MYO5C: variants seen among roughly 807,000 people sequenced by gnomAD.
The protein encoded by MYO5C is unconventional myosin-Vc.
MYO5C carries 194 observed loss-of-function variants against 235.7 expected under a neutral mutation model. The ratio of observed to expected loss-of-function variants is 0.82; its 90% CI spans 0.73 to 0.93. MYO5C has a LOEUF of 0.93. MYO5C is among the 40% of genes least tolerant of loss of function. The pLI, the probability that MYO5C is intolerant of heterozygous loss-of-function variation, is 0.00. For synonymous variants in MYO5C, 707 were observed against 754.8 expected, an observed-to-expected ratio of 0.94 and a Z score of 1.04; for missense variants, 2,038 against 2,127.2, an observed-to-expected ratio of 0.96 and a Z score of 0.82.
chr15:52,201,542 A>G (rs904538688), intron 38 of MYO5C, among the ~76,000 whole-genome samples: 9 of 152,242 alleles, frequency 5.9e-5, no homozygotes, highest in Non-Finnish European at 1.3e-4. Context: ...TTCTTCAGGC[A>G]GAAGGAAAAT....
chr15:52,276,175 G>T (rs574566362), intron 4 of MYO5C, among the ~76,000 whole-genome samples: 1 of 152,014 alleles, frequency 6.6e-6, no homozygotes, highest in Non-Finnish European at 1.5e-5. Flanking sequence ...CATGTTGAGG[G>T]GCCCCAAGAC....
intron 38 of MYO5C, among the ~76,000 whole-genome samples, chr15:52,201,049 A>G (rs927832008): frequency 6.6e-6 from 1 of 152,172 alleles, no homozygotes; most frequent in African/African-American, 2.4e-5. Context: ...CTGTGGGACA[A>G]TAACAAAAAG....
In MYO5C at chr15:52,224,908, C is replaced by G; in HGVS notation, c.3439G>C (p.Ala1147Pro). 3.1e-6 allele frequency: 5 copies of G among 1,612,572 alleles called. No individual in the cohort carries two copies. The highest frequency in any genetic ancestry group is 4.2e-6 in the Non-Finnish European group (5 of 1,179,352). ...CTGAGGAGAATTTCTAACCGTGTTG[C>G]TTTCTTTAGTCCTTCATAAGCAAAC... Reference protein sequence around the residue: ...LWFAYEGLKKATRVLESHFQS... With the variant: ...LWFAYEGLKKPTRVLESHFQS... The change falls in exon 28 of 41, where the codon GCA (alanine) becomes CCA (proline). Residue 1147 changes from alanine (A) to proline (P), a missense_variant. Coordinates refer to ENST00000261839, the MANE Select transcript of MYO5C (RefSeq NM_018728.4).
At chr15:52,225,174 TG>T (rs2035793358) in intron 26 of MYO5C, 36 bp from the exon 27 acceptor site, 7 of 1,607,702 alleles carry the variant, frequency 4.4e-6, no homozygotes, top group Non-Finnish European at 6.0e-6. Context: ...ATATTACATT[TG>T]TGGATGATTT....
At chr15:52,294,598 G>C (rs1026946750) in intron 1 of MYO5C, among the ~76,000 whole-genome samples, 1 of 152,188 alleles carries the variant, frequency 6.6e-6, no homozygotes, top group Non-Finnish European at 1.5e-5. Flanking sequence ...CCGGGGAAAT[G>C]GATGGATTCT....
chr15:52,239,932 C>T, intron 20 of MYO5C, 53 bp from the exon 21 acceptor site: 3 of 1,559,444 alleles, frequency 1.9e-6, no homozygotes, highest in Non-Finnish European at 1.7e-6. Flanking sequence ...GCTTCTCTAA[C>T]CAACTCCTTC....
In MYO5C at chr15:52,244,511, C is replaced by T; in HGVS notation, c.2235G>A (p.Val745=). Residue 745 remains valine (V), a synonymous_variant, in exon 19 of 41, where the codon GTG becomes GTA. Transcript: ENST00000261839. ...CCAATCGAAGTTTCTCTAAATAAGC[C>T]ACTTGTCCTGCTCTGAAGAAAATTT... ...KTKIFFRAGQ[V]AYLEKLRLDK... 6.2e-7 allele frequency: 1 copy of T among 1,614,126 alleles called. No homozygotes were observed. Among genetic ancestry groups the T allele is most frequent in the Non-Finnish European group, 8.5e-7 (1 of 1,180,030 alleles).
chr15:52,233,629 A>T (rs536066251), intron 23 of MYO5C, among the ~76,000 whole-genome samples: 2 of 152,388 alleles, frequency 1.3e-5, no homozygotes, highest in South Asian at 4.1e-4. Flanking sequence ...TATCTGGGAA[A>T]GAGGAAGTAC....
rs771749733 is a variant in MYO5C, at chr15:52,279,490, C to G, written c.304+19G>C. ...ACATTCCAGTGCCATTCCTTACTTC[C>G]TAGAATTGCTCTCCTTACCACTGTA... On this transcript the variant is annotated intron_variant, in intron 3 of 40. Transcript: ENST00000261839. 6.3e-5 allele frequency: 100 copies of G among 1,598,844 alleles called. No homozygotes were observed. The highest frequency in any genetic ancestry group is 7.4e-5 in the Non-Finnish European group (86 of 1,167,218).
intron 28 of MYO5C, 86 bp downstream of exon 28, chr15:52,224,815 A>G: frequency 9.4e-7 from 1 of 1,061,616 alleles, no homozygotes; most frequent in Non-Finnish European, 1.4e-6. Context: ...TTGTGTATCA[A>G]TCTATGTAAG....
chr15:52,196,208 C>A (rs1474598127), intron 39 of MYO5C, 101 bp downstream of exon 39: 1 of 1,183,538 alleles, frequency 8.4e-7, no homozygotes, highest in East Asian at 2.6e-5. Context: ...AGAGTACACA[C>A]AGAATCAGGG....
At chr15:52,216,209 T>G (rs946391418) in intron 32 of MYO5C, among the ~76,000 whole-genome samples, 58 of 152,092 alleles carry the variant, frequency 3.8e-4, no homozygotes, top group Admixed American at 2.0e-3. Context: ...TTAATTATTA[T>G]TATTATTAGT....
chr15:52,211,522 C>A (rs925814832), intron 35 of MYO5C, among the ~76,000 whole-genome samples: 9 of 152,202 alleles, frequency 5.9e-5, no homozygotes, highest in Non-Finnish European at 8.8e-5. Flanking sequence ...AGGTTGCAGT[C>A]TCGCCGGTAA....
chr15:52,277,902 T>A (rs1430378848), intron 4 of MYO5C: 1 of 455,960 alleles, frequency 2.2e-6, no homozygotes, highest in Admixed American at 2.3e-5. Context: ...ATGGGTGCCC[T>A]CTGAGAGTCC....
rs1194452008 is a variant in MYO5C, at chr15:52,256,586, C to CACAT, written c.1395+52_1395+53insATGT. On this transcript the variant is annotated intron_variant, in intron 11 of 40. Coordinates refer to ENST00000261839, the MANE Select transcript of MYO5C (RefSeq NM_018728.4). ...GAACACACACACACACACACACACA[C>CACAT]ACGCGCGCGCGCGCGGCTGAGAACT... The CACAT allele has an allele frequency of 7.6e-6, 8 of 1,051,362 alleles. No individual in the cohort carries two copies. In the Middle Eastern group the frequency reaches 8.4e-4, roughly 110 times the overall value. The allele number at this position is 1,051,362 out of a possible 1,614,324, so 65.1% of individuals were successfully genotyped here. A position where few individuals can be genotyped will look rare whatever the true frequency, so the allele number is the denominator to read the frequency against.
chr15:52,220,664 CA>C (rs34771845), intron 30 of MYO5C, among the ~76,000 whole-genome samples: 101 of 142,592 alleles, frequency 7.1e-4, no homozygotes, highest in Non-Finnish European at 8.2e-4. Flanking sequence ...ACTAAAAATA[CA>C]AAAAAAAAAA....
chr15:52,241,954 T>C, intron 20 of MYO5C, 94 bp downstream of exon 20: 1 of 1,340,356 alleles, frequency 7.5e-7, no homozygotes, highest in Non-Finnish European at 1.0e-6. Flanking sequence ...CAAAGTGAGG[T>C]TGCCCATAGT....
chr15:52,196,501 A>C lies in MYO5C; in HGVS notation c.4821-18T>G. 1 of 1,607,208 alleles carries C rather than the reference A, an allele frequency of 6.2e-7. No homozygotes were observed. Among genetic ancestry groups the C allele is most frequent in the Non-Finnish European group, 8.5e-7 (1 of 1,176,852 alleles). On this transcript the variant is annotated intron_variant, in intron 38 of 40. Coordinates refer to ENST00000261839, the MANE Select transcript of MYO5C (RefSeq NM_018728.4). ...TATTGCACCTGGAGGGAAAGGCAGAAGAACAGAGAATACTTTAGGGAAGGG... is the reference window on the plus strand; with the variant it reads ...TATTGCACCTGGAGGGAAAGGCAGACGAACAGAGAATACTTTAGGGAAGGG...
intron 4 of MYO5C, among the ~76,000 whole-genome samples, 171 bp downstream of exon 4, chr15:52,278,702 C>T (rs2140856018): frequency 6.6e-6 from 1 of 152,312 alleles, no homozygotes; most frequent in Middle Eastern, 3.4e-3. Context: ...AGGTCAGGTA[C>T]ATGGAACAGT....
Sources: allele counts gnomAD v4.1 joint callset (sites outside exome capture counted in the v4.1 genomes callset), GRCh38; gene constraint gnomAD v4.1.1; transcripts MANE v1.5; gene names NCBI Gene and HGNC (gene_info 2026-07-23, HGNC 2026-07-21).